Variants in ETF1 observed in about 807,000 individuals in gnomAD.
ETF1 encodes the protein eukaryotic peptide chain release factor subunit 1.
ETF1 carries 4 observed loss-of-function variants against 55.1 expected under a neutral mutation model. That is an observed-to-expected ratio of 0.07 (90% CI 0.04 to 0.17). ETF1 has a LOEUF of 0.17. ETF1 is among the 10% of genes least tolerant of loss of function. The pLI is 1.00. For synonymous variants in ETF1, 157 were observed against 182.3 expected (o/e 0.86, Z 1.12); for missense variants, 142 against 523.6 (o/e 0.27, Z 7.11).
rs565215353 is a variant in ETF1, at chr5:138,513,349, A to G, written c.541+219T>C. Reference sequence around the variant, plus strand: ...CGGGTTCAAGCAATTCTCCTGCCTCAGCCTCACAAGTAGCTGGGATTACAG... The same window carrying G: ...CGGGTTCAAGCAATTCTCCTGCCTCGGCCTCACAAGTAGCTGGGATTACAG... On this transcript the variant is annotated intron_variant, in intron 5 of 10. Coordinates refer to ENST00000360541, the MANE Select transcript of ETF1 (RefSeq NM_004730.4). 3.2e-5 allele frequency: 12 copies of G among 371,466 alleles called. No homozygotes were observed. In the South Asian group the frequency reaches 4.4e-4, roughly 14 times the overall value. The allele number at this position is 371,466 out of a possible 1,614,324, so 23.0% of individuals were successfully genotyped here. A position where few individuals can be genotyped will look rare whatever the true frequency, so the allele number is the denominator to read the frequency against.
At chr5:138,510,849 TG>T (rs1263055653) in intron 8 of ETF1, 195 bp downstream of exon 8, 16 of 792,996 alleles carry the variant, frequency 2.0e-5, no homozygotes, top group Non-Finnish European at 2.4e-5. Flanking sequence ...CCTCAGCAGA[TG>T]TAACAATCTT....
intron 2 of ETF1, among the ~76,000 whole-genome samples, chr5:138,526,121 C>G (rs543955507): frequency 6.6e-6 from 1 of 152,046 alleles, no homozygotes; most frequent in Non-Finnish European, 1.5e-5. Context: ...AAACTTTCCC[C>G]TAATTACTGA....
chr5:138,529,535 C>A, intron 2 of ETF1: 1 of 959,416 alleles, frequency 1.0e-6, no homozygotes, highest in Non-Finnish European at 1.2e-6. Context: ...AAAAACTGGG[C>A]AAAACAAGAG....
At chr5:138,542,074 T>C (rs1413961261) in intron 2 of ETF1, among the ~76,000 whole-genome samples, 1 of 152,118 alleles carries the variant, frequency 6.6e-6, no homozygotes, top group Non-Finnish European at 1.5e-5. Context: ...TTCAGAGAAA[T>C]GCCAGCAGGG....
At chr5:138,528,662 C>T (rs949980610) in intron 2 of ETF1, among the ~76,000 whole-genome samples, 3 of 152,082 alleles carry the variant, frequency 2.0e-5, no homozygotes, top group African/African-American at 7.2e-5. Context: ...CAAAAAATTA[C>T]CTTTCACTAG....
At chr5:138,535,056 T>C (rs999907415) in intron 2 of ETF1, among the ~76,000 whole-genome samples, 12 of 151,722 alleles carry the variant, frequency 7.9e-5, no homozygotes, top group African/African-American at 1.5e-4. Context: ...GTTCAAGCGA[T>C]TCTCTTGCCT....
intron 2 of ETF1, among the ~76,000 whole-genome samples, chr5:138,532,059 AAAAT>A (rs34771797): frequency 1.3e-5 from 2 of 150,286 alleles, no homozygotes; most frequent in South Asian, 2.1e-4. Flanking sequence ...AAAATAAAAT[AAAAT>A]AAATAAATAA....
Position 138,511,607 on chromosome 5 carries a change from A to G in ETF1, c.733-3T>C. On this transcript the variant is annotated splice_polypyrimidine_tract_variant and splice_region_variant and intron_variant, in intron 6 of 10. Coordinates refer to ENST00000360541, the MANE Select transcript of ETF1 (RefSeq NM_004730.4). ...TTTAAAACTTTTGATTGTAACCTCT[A>G]ACACACAAAAAAAATATTATTAGTA... is the stretch of plus-strand genomic sequence containing the variant. 6.3e-7 allele frequency: 1 copy of G among 1,598,224 alleles called. No homozygotes were observed. Among genetic ancestry groups the G allele is most frequent in the Non-Finnish European group, 8.5e-7 (1 of 1,173,124 alleles).
chr5:138,537,393 A>G (rs1765981629), intron 2 of ETF1, among the ~76,000 whole-genome samples: 1 of 152,186 alleles, frequency 6.6e-6, no homozygotes, highest in Admixed American at 6.6e-5. Flanking sequence ...ATGTGGTGTT[A>G]AGTATTTTAA....
At position 138,510,122 on chromosome 5, in the gene ETF1, C is replaced by T. The variant is rs112253339; in HGVS notation, c.1083+443G>A. 5.3e-3 allele frequency among the ~76,000 whole-genome samples: 804 copies of T among 151,194 alleles called. 6 individuals are homozygous for T. The highest frequency in any genetic ancestry group is 0.037 in the South Asian group (174 of 4,756). On this transcript the variant is annotated intron_variant, in intron 9 of 10. Coordinates refer to ENST00000360541, the MANE Select transcript of ETF1 (RefSeq NM_004730.4). ...CCTGTAATCCCACCACTTGGGAGGC[C>T]GAGGTAAGTGGATTGCTTGAGCTCA...
chr5:138,526,485 C>A (rs1471523220), intron 2 of ETF1, among the ~76,000 whole-genome samples: 3 of 152,138 alleles, frequency 2.0e-5, no homozygotes, highest in Non-Finnish European at 4.4e-5. Context: ...TGGAAGTTTT[C>A]TCCTAGTGGT....
intron 2 of ETF1, 61 bp downstream of exon 2, chr5:138,542,772 C>T: frequency 1.3e-6 from 2 of 1,594,172 alleles, no homozygotes; most frequent in East Asian, 2.3e-5. Flanking sequence ...GGCGCGGGGG[C>T]GTCCATCCTG....
intron 4 of ETF1, 132 bp from the exon 5 acceptor site, chr5:138,513,838 G>A (rs1764908746): frequency 4.4e-6 from 5 of 1,129,518 alleles, no homozygotes; most frequent in Middle Eastern, 2.1e-4. Flanking sequence ...AACCTTCTAC[G>A]GAATAATTTA....
chr5:138,538,443 G>A (rs1580725139), intron 2 of ETF1, among the ~76,000 whole-genome samples: 1 of 152,200 alleles, frequency 6.6e-6, no homozygotes, highest in Admixed American at 6.5e-5. Context: ...ACCCACCTTG[G>A]CCTCCCAAAG....
At chr5:138,514,263 A>G (rs1764926514) in intron 4 of ETF1, among the ~76,000 whole-genome samples, 1 of 152,200 alleles carries the variant, frequency 6.6e-6, no homozygotes, top group Non-Finnish European at 1.5e-5. Context: ...TTTATAATAT[A>G]GAGTTCTAAG....
intron 2 of ETF1, among the ~76,000 whole-genome samples, chr5:138,519,815 C>T (rs1191884147): frequency 1.3e-5 from 2 of 151,998 alleles, no homozygotes; most frequent in Admixed American, 6.6e-5. Flanking sequence ...AACTAAAAAA[C>T]GGGACCAAAA....
intron 2 of ETF1, among the ~76,000 whole-genome samples, chr5:138,533,580 G>A (rs774359554): frequency 6.6e-6 from 1 of 152,106 alleles, no homozygotes; most frequent in Non-Finnish European, 1.5e-5. Flanking sequence ...CAGTTACTTG[G>A]GAGTCTGAGG....
At chr5:138,534,054 T>C (rs1370306561) in intron 2 of ETF1, among the ~76,000 whole-genome samples, 1 of 152,214 alleles carries the variant, frequency 6.6e-6, no homozygotes, top group East Asian at 1.9e-4. Context: ...TTTATGCAAT[T>C]GACCTTAGAG....
intron 4 of ETF1, among the ~76,000 whole-genome samples, chr5:138,517,214 CA>C (rs1465125497): frequency 6.6e-6 from 1 of 151,330 alleles, no homozygotes; most frequent in Non-Finnish European, 1.5e-5. Flanking sequence ...ACTAAAAATA[CA>C]AAAAAATTAG....
Sources: gnomAD v4.1 joint callset for allele counts (sites outside exome capture counted in the v4.1 genomes callset) on GRCh38, gnomAD v4.1.1 for gene constraint, MANE v1.5 for transcripts, NCBI Gene and HGNC (gene_info 2026-07-23, HGNC 2026-07-21) for gene names.